Variants in HORMAD2 observed in about 807,000 individuals in gnomAD.
The protein encoded by HORMAD2 is HORMA domain containing 2, also known as HORMA domain-containing protein 2.
A neutral mutation model predicts 38.8 loss-of-function variants in HORMAD2; 45 were observed. The observed-to-expected ratio is 1.16, with a 90% CI of 0.91 to 1.49. The LOEUF (loss-of-function observed/expected upper bound fraction) is 1.49, where lower values mean the gene tolerates loss of function less well. HORMAD2 is among the 40% of genes most tolerant of loss of function. HORMAD2 has a pLI of 0.00. For synonymous variants in HORMAD2, 126 were observed against 122.8 expected, an observed-to-expected ratio of 1.03 and a Z score of -0.17; for missense variants, 338 against 367.0, an observed-to-expected ratio of 0.92 and a Z score of 0.65.
chr22:30,190,411 A>G, the HORMAD2 span, among the ~76,000 whole-genome samples: 1 of 152,122 alleles, frequency 6.6e-6, no homozygotes, highest in Non-Finnish European at 1.5e-5. Flanking sequence ...TCCCCCGACT[A>G]CTTTCATCTT....
intron 1 of HORMAD2, among the ~76,000 whole-genome samples, chr22:30,092,111 C>T (rs1202452047): frequency 1.3e-5 from 2 of 150,656 alleles, no homozygotes; most frequent in Non-Finnish European, 3.0e-5. Context: ...AAACTCTTGA[C>T]CTCAGGTGAT....
the HORMAD2 span, chr22:30,184,692 T>A: frequency 6.6e-6 from 1 of 152,334 alleles, no homozygotes; most frequent in South Asian, 2.1e-4. Context: ...TAGGTTGGTT[T>A]TGACACCGTG....
At chr22:30,088,106 C>CAT (rs759573794) in intron 1 of HORMAD2, among the ~76,000 whole-genome samples, 1 of 128,796 alleles carries the variant, frequency 7.8e-6, no homozygotes. Context: ...CACGTACACA[C>CAT]GTGTACATAT....
chr22:30,085,117 G>T (rs2068547931), intron 1 of HORMAD2, among the ~76,000 whole-genome samples: 3 of 150,664 alleles, frequency 2.0e-5, no homozygotes, highest in African/African-American at 7.3e-5. Context: ...CTGCACTCCA[G>T]CCTGGGCAAC....
chr22:30,172,148 G>C (rs1033555563), intron 10 of HORMAD2, among the ~76,000 whole-genome samples: 1 of 152,060 alleles, frequency 6.6e-6, no homozygotes, highest in Non-Finnish European at 1.5e-5. Flanking sequence ...CTATGTCTGG[G>C]GTATGAAAGA....
intron 9 of HORMAD2, 44 bp from the exon 10 acceptor site, chr22:30,121,920 T>C (rs1922469072): frequency 1.3e-6 from 2 of 1,585,262 alleles, no homozygotes; most frequent in East Asian, 2.2e-5. Context: ...ATTTGTTGTA[T>C]TGAAACTCAG....
At chr22:30,142,680 A>G (rs1924161681) in intron 10 of HORMAD2, among the ~76,000 whole-genome samples, 2 of 152,112 alleles carry the variant, frequency 1.3e-5, no homozygotes, top group African/African-American at 4.8e-5. Flanking sequence ...GTTTAATGTT[A>G]CTATTGATAT....
At chr22:30,112,824 A>T (rs936383334) in intron 7 of HORMAD2, among the ~76,000 whole-genome samples, 1 of 152,096 alleles carries the variant, frequency 6.6e-6, no homozygotes, top group Non-Finnish European at 1.5e-5. Flanking sequence ...TTTCTTAAAA[A>T]TTTTTTAAAT....
chr22:30,102,355 TTTA>T (rs1484776523), intron 3 of HORMAD2, among the ~76,000 whole-genome samples: 1 of 152,198 alleles, frequency 6.6e-6, no homozygotes, highest in Non-Finnish European at 1.5e-5. Context: ...TCCCTATAGC[TTTA>T]TTTTTTGTGA....
intron 10 of HORMAD2, among the ~76,000 whole-genome samples, chr22:30,158,786 G>A (rs1392223383): frequency 6.0e-5 from 9 of 151,242 alleles, no homozygotes; most frequent in East Asian, 1.9e-4. Flanking sequence ...CTGGGCTCCC[G>A]CGATCCTCCC....
intron 10 of HORMAD2, among the ~76,000 whole-genome samples, chr22:30,172,018 C>T (rs1007483231): frequency 2.6e-5 from 4 of 152,116 alleles, no homozygotes; most frequent in Non-Finnish European, 4.4e-5. Context: ...GGTCTAGTAG[C>T]TCCTCAAACA....
the HORMAD2 span, among the ~76,000 whole-genome samples, chr22:30,196,205 G>A: frequency 5.9e-3 from 903 of 152,338 alleles, 8 homozygotes; most frequent in African/African-American, 0.021. Flanking sequence ...AGAGGCAGCC[G>A]ATGGAATCAG....
At chr22:30,123,406 C>T (rs1242989340) in intron 10 of HORMAD2, among the ~76,000 whole-genome samples, 2 of 152,054 alleles carry the variant, frequency 1.3e-5, no homozygotes, top group East Asian at 3.9e-4. Flanking sequence ...GCAACCATGA[C>T]TCACTGGTGC....
At chr22:30,138,241 C>A (rs1923805287) in intron 10 of HORMAD2, among the ~76,000 whole-genome samples, 1 of 142,194 alleles carries the variant, frequency 7.0e-6, no homozygotes, top group Non-Finnish European at 1.6e-5. Flanking sequence ...GATCTTTTGC[C>A]CATTTTTTTT....
chr22:30,135,623 TC>T (rs1923598053), intron 10 of HORMAD2, among the ~76,000 whole-genome samples: 1 of 152,022 alleles, frequency 6.6e-6, no homozygotes, highest in South Asian at 2.1e-4. Context: ...ACTTAACAAT[TC>T]CCAGAGCTCT....
intron 10 of HORMAD2, among the ~76,000 whole-genome samples, chr22:30,166,724 C>T (rs533943301): frequency 2.6e-4 from 40 of 152,222 alleles, no homozygotes; most frequent in Admixed American, 1.0e-3. Flanking sequence ...TTGTCAGAAA[C>T]GTTCAATTAC....
the HORMAD2 span, chr22:30,206,983 A>T: frequency 2.2e-6 from 1 of 448,834 alleles, no homozygotes; most frequent in Admixed American, 2.5e-5. Flanking sequence ...TCTCTGAATT[A>T]GGGACTTCGG....
rs570829650 is a variant in HORMAD2 at position 30,164,722 on chromosome 22, G to T, written c.820-11341G>T. Reference sequence around the variant, plus strand: ...TTGCCCAGGCTGGTCCCAAACTCCTGGGCTCAGGCGATCCTCCTGCCTCAG... The same window carrying T: ...TTGCCCAGGCTGGTCCCAAACTCCTTGGCTCAGGCGATCCTCCTGCCTCAG... On this transcript the variant is annotated intron_variant, in intron 10 of 10. Transcript: ENST00000336726. 5.3e-5 allele frequency among the ~76,000 whole-genome samples: 8 copies of T among 152,214 alleles called. No homozygotes were observed. In the South Asian group the frequency reaches 1.7e-3, roughly 32 times the overall value.
At chr22:30,155,289 A>G (rs1398869491) in intron 10 of HORMAD2, among the ~76,000 whole-genome samples, 1 of 152,194 alleles carries the variant, frequency 6.6e-6, no homozygotes, top group African/African-American at 2.4e-5. Context: ...AAGAGTACTT[A>G]GCAACTATGT....
Sources: allele counts gnomAD v4.1 joint callset (sites outside exome capture counted in the v4.1 genomes callset), GRCh38; gene constraint gnomAD v4.1.1; transcripts MANE v1.5; gene names NCBI Gene and HGNC (gene_info 2026-07-23, HGNC 2026-07-21).